The following FGD1 variants were observed in gnomAD, a reference collection of about 807,000 sequenced individuals.
FGD1 encodes FYVE, RhoGEF and PH domain containing 1.
In FGD1, 12 loss-of-function variants were observed where a neutral mutation model predicts 65.0. The observed-to-expected ratio is 0.18, with a 90% CI of 0.12 to 0.30. The LOEUF is 0.30. Ranked by LOEUF, FGD1 falls within the 10% of genes least tolerant of loss-of-function variation. The probability of loss-of-function intolerance (pLI) is 1.00; values close to 1 mark genes in which losing one functional copy is unlikely to be tolerated. For missense variants in FGD1, 542 were observed against 837.6 expected (o/e 0.65, Z 4.36); for synonymous variants, 333 against 343.9 (o/e 0.97, Z 0.35).
intron 6 of FGD1, among the ~76,000 whole-genome samples, chrX:54,466,633 G>C (rs1302530351): frequency 9.0e-6 from 1 of 111,489 alleles, no homozygotes; most frequent in Admixed American, 9.5e-5. Context: ...AGCTAGGCTT[G>C]GTCCATTTGT....
chrX:54,483,479 C>T (rs983509074), intron 1 of FGD1, among the ~76,000 whole-genome samples: 1 of 112,698 alleles, frequency 8.9e-6, no homozygotes, highest in Non-Finnish European at 1.9e-5. Context: ...CCCTGCCAGT[C>T]CCGCCTTTCC....
intron 1 of FGD1, among the ~76,000 whole-genome samples, chrX:54,487,095 T>C (rs1258582615): frequency 9.2e-6 from 1 of 108,684 alleles, no homozygotes; most frequent in East Asian, 3.1e-4. Context: ...AACCTCTGCC[T>C]CCCGGGGTCA....
At chrX:54,451,761 A>G (rs1478782223) in intron 12 of FGD1, among the ~76,000 whole-genome samples, 1 of 106,838 alleles carries the variant, frequency 9.4e-6, no homozygotes, top group Non-Finnish European at 1.9e-5. Context: ...TGGTGGCGGG[A>G]GCCTATAATC....
At chrX:54,461,600 C>CAAA (rs1165040158) in intron 8 of FGD1, among the ~76,000 whole-genome samples, 4 of 18,038 alleles carry the variant, frequency 2.2e-4, no homozygotes, top group Non-Finnish European at 4.1e-4. Flanking sequence ...GACTCTGTCT[C>CAAA]AAAAAAAAAA....
chrX:54,494,402 C>CTTTT (rs56235590), intron 1 of FGD1, among the ~76,000 whole-genome samples: 58 of 60,625 alleles, frequency 9.6e-4, no homozygotes, highest in Middle Eastern at 0.012. Context: ...CACCGTCTTT[C>CTTTT]TTTTTTTTTT....
intron 1 of FGD1, among the ~76,000 whole-genome samples, chrX:54,475,980 G>A (rs965305736): frequency 1.2e-4 from 13 of 111,921 alleles, no homozygotes; most frequent in African/African-American, 3.2e-5. Flanking sequence ...CAGGAGAATC[G>A]CTTGAACCCA....
chrX:54,448,916 T>G lies in FGD1; in HGVS notation c.2326A>C (p.Asn776His), dbSNP rs1290828904. The change falls in exon 16 of 18, where the codon AAC (asparagine) becomes CAC (histidine). Residue 776 changes from asparagine to histidine, a missense_variant. Physicochemically the swap from Asn to His is moderately conservative, Grantham distance 68. This residue lies in a region of FGD1 where 182 missense variants were observed against 311.4 expected (regional missense o/e 0.58). Transcript: ENST00000375135. The part of the protein sequence containing the change: ...EFRARLVYDN[N>H]RSNRVCTDCY... ...TCAGTGCACACACGGTTGGAGCGGTTGTTGTCATAGACGAGGCGGGCCCGG... is the reference window on the plus strand; with the variant it reads ...TCAGTGCACACACGGTTGGAGCGGTGGTTGTCATAGACGAGGCGGGCCCGG... 1 of 1,211,647 alleles carries G rather than the reference T, an allele frequency of 8.3e-7. No homozygotes were observed. Among genetic ancestry groups the G allele is most frequent in the Non-Finnish European group, 1.1e-6 (1 of 895,432 alleles).
chrX:54,463,052 C>T (rs773125712), intron 8 of FGD1, among the ~76,000 whole-genome samples: 49 of 111,265 alleles, frequency 4.4e-4, no homozygotes, highest in Non-Finnish European at 7.9e-4. Context: ...TGTGAGTCAC[C>T]GCGCCCAGCC....
In FGD1 at chrX:54,465,686, G is replaced by A; in HGVS notation, c.1497+10C>T. 8.3e-7 allele frequency: 1 copy of A among 1,211,389 alleles called. No homozygotes were observed. Among genetic ancestry groups the A allele is most frequent in the Middle Eastern group, 2.3e-4 (1 of 4,355 alleles). On this transcript the variant is annotated intron_variant, in intron 7 of 17. Transcript: ENST00000375135. ...TCCCCAAGTCTGCTCCTTCCAGCTT[G>A]ACCACTTACCTGCACCTCATGGATG... is the stretch of plus-strand genomic sequence containing the variant.
chrX:54,481,576 G>C (rs73634949), intron 1 of FGD1, among the ~76,000 whole-genome samples: 6,864 of 104,552 alleles, frequency 0.066, 629 homozygotes, highest in African/African-American at 0.23. Flanking sequence ...CCAGATCCCA[G>C]GTGTGTCTGT....
chrX:54,482,236 G>GCGCGCACACACACACA (rs796491256), intron 1 of FGD1, among the ~76,000 whole-genome samples: 12 of 99,390 alleles, frequency 1.2e-4, no homozygotes, highest in African/African-American at 3.1e-4. Flanking sequence ...GCACACGCGC[G>GCGCGCACACACACACA]CACACACACA....
In FGD1 at chrX:54,449,283, A is replaced by G. The variant is rs1382445741; in HGVS notation, c.2149-15T>C. On this transcript the variant is annotated splice_polypyrimidine_tract_variant and intron_variant, in intron 14 of 17. Coordinates refer to ENST00000375135, the MANE Select transcript of FGD1 (RefSeq NM_004463.3). The stretch of plus-strand genomic sequence containing the variant: ...AGATCCACGTTCTGTAGGGAGGGCC[A>G]GGTCTCAGGTCAGAGACAGCTACTC... 8.3e-7 allele frequency: 1 copy of G among 1,208,697 alleles called. No homozygotes were observed. The highest frequency in any genetic ancestry group is 1.7e-5 in the African/African-American group (1 of 57,252).
intron 1 of FGD1, among the ~76,000 whole-genome samples, chrX:54,486,724 C>A (rs1361122667): frequency 4.8e-5 from 5 of 103,468 alleles, no homozygotes; most frequent in African/African-American, 1.7e-4. Flanking sequence ...CATGGTGGCT[C>A]ATGCTTGTAA....
chrX:54,492,154 C>T (rs1215918320), intron 1 of FGD1, among the ~76,000 whole-genome samples: 2 of 111,706 alleles, frequency 1.8e-5, no homozygotes, highest in African/African-American at 3.3e-5. Context: ...ACAAGGACTT[C>T]GGTTTAATCA....
At chrX:54,482,838 G>T (rs1371928493) in intron 1 of FGD1, among the ~76,000 whole-genome samples, 1 of 111,394 alleles carries the variant, frequency 9.0e-6, no homozygotes, top group Non-Finnish European at 1.9e-5. Context: ...TCCACACAGG[G>T]CATGGTAGTC....
intron 1 of FGD1, among the ~76,000 whole-genome samples, chrX:54,488,004 G>A (rs1305071740): frequency 9.3e-6 from 1 of 107,817 alleles, no homozygotes; most frequent in Non-Finnish European, 1.9e-5. Flanking sequence ...GGTGGCTCAC[G>A]CCTGTAATCC....
rs761173572 is a variant in FGD1 at position 54,448,844 on chromosome X, T to C, written c.2398A>G (p.Ser800Gly). ...HGVPGSSPAC[S>G]QHTPQRRRSI... is the part of the protein sequence containing the mutation. ...CTCCGGCGCTGGGGTGTATGCTGGC[T>C]GCAGGCTGGACTGCTCCCAGGCACC... Residue 800 changes from serine to glycine, a missense_variant, in exon 16 of 18, where the codon AGC (serine) becomes GGC (glycine). Ser to Gly is a moderately conservative substitution (Grantham distance 56, BLOSUM62 0). Transcript: ENST00000375135. 8.3e-7 allele frequency: 1 copy of C among 1,211,763 alleles called. No homozygotes were observed. The highest frequency in any genetic ancestry group is 1.8e-5 in the South Asian group (1 of 56,959).
intron 1 of FGD1, among the ~76,000 whole-genome samples, chrX:54,494,163 C>T (rs1368134870): frequency 8.9e-6 from 1 of 112,141 alleles, no homozygotes; most frequent in Non-Finnish European, 1.9e-5. Flanking sequence ...CCTGATTTCA[C>T]ATCACAACCA....
At chrX:54,474,448 T>C (rs1922972410) in intron 1 of FGD1, among the ~76,000 whole-genome samples, 1 of 112,680 alleles carries the variant, frequency 8.9e-6, no homozygotes, top group Admixed American at 9.3e-5. Context: ...CCCAGGGGAC[T>C]CAGATCAGGG....
Sources: gnomAD v4.1 joint callset for allele counts (sites outside exome capture counted in the v4.1 genomes callset) on GRCh38, gnomAD v4.1.1 for gene constraint, gnomAD v4.1.1 regional missense constraint, MANE v1.5 for transcripts, NCBI Gene and HGNC (gene_info 2026-07-23, HGNC 2026-07-21) for gene names.